VPS13B: variants seen among roughly 807,000 people sequenced by gnomAD.
The protein encoded by VPS13B is vacuolar protein sorting 13 homolog B, also known as intermembrane lipid transfer protein VPS13B.
In VPS13B, 285 loss-of-function variants were observed where a neutral mutation model predicts 426.4. The observed-to-expected ratio is 0.67, with a 90% CI of 0.61 to 0.74. The LOEUF (loss-of-function observed/expected upper bound fraction) is 0.74. Among genes scored for constraint, VPS13B ranks in the 30% least tolerant of loss-of-function variants. VPS13B has a pLI of 0.00. For missense variants in VPS13B, 4,537 were observed against 4,782.6 expected (o/e 0.95, Z 1.51); for synonymous variants, 1,676 against 1,676.4 (o/e 1.00, Z 0.01).
intron 17 of VPS13B, among the ~76,000 whole-genome samples, chr8:99,203,285 C>G (rs930615065): frequency 6.6e-5 from 10 of 152,072 alleles, no homozygotes; most frequent in Non-Finnish European, 1.2e-4. Context: ...TCAATAGATG[C>G]AGAAAAGGCC....
intron 16 of VPS13B, among the ~76,000 whole-genome samples, chr8:99,179,620 A>T (rs564013241): frequency 6.6e-6 from 1 of 152,238 alleles, no homozygotes; most frequent in Admixed American, 6.5e-5. Flanking sequence ...ATATGAGATA[A>T]TGTTCTTGTT....
intron 14 of VPS13B, 49 bp downstream of exon 14, chr8:99,148,059 T>C (rs1324168030): frequency 3.2e-6 from 5 of 1,558,080 alleles, no homozygotes; most frequent in Non-Finnish European, 3.5e-6. Context: ...TATGGATTTT[T>C]TTTTTTTTTT....
At chr8:99,739,186 T>G (rs1035309773) in intron 39 of VPS13B, among the ~76,000 whole-genome samples, 1 of 152,220 alleles carries the variant, frequency 6.6e-6, no homozygotes, top group Non-Finnish European at 1.5e-5. Flanking sequence ...ATCCCGTACC[T>G]GGCTCGGAGG....
At chr8:99,421,867 A>G (rs1457147278) in intron 21 of VPS13B, among the ~76,000 whole-genome samples, 1 of 152,032 alleles carries the variant, frequency 6.6e-6, no homozygotes, top group Non-Finnish European at 1.5e-5. Context: ...TTTTTGGTAG[A>G]GACAAGGTTT....
At chr8:99,403,205 G>A (rs1404313984) in intron 21 of VPS13B, among the ~76,000 whole-genome samples, 5 of 151,996 alleles carry the variant, frequency 3.3e-5, no homozygotes, top group African/African-American at 9.7e-5. Context: ...TGACAGTTTT[G>A]TACATGGCTG....
At chr8:99,845,043 T>G (rs1175197818) in intron 54 of VPS13B, among the ~76,000 whole-genome samples, 2 of 152,144 alleles carry the variant, frequency 1.3e-5, no homozygotes, top group Non-Finnish European at 2.9e-5. Context: ...AAGCAACAGT[T>G]TTACTGAATA....
intron 19 of VPS13B, among the ~76,000 whole-genome samples, chr8:99,355,239 A>G (rs1812115109): frequency 1.3e-5 from 2 of 152,136 alleles, no homozygotes; most frequent in East Asian, 1.9e-4. Context: ...CCATTCCCCT[A>G]TTAAAGCCCC....
intron 39 of VPS13B, among the ~76,000 whole-genome samples, chr8:99,727,930 G>C (rs949859425): frequency 6.6e-6 from 1 of 152,208 alleles, no homozygotes; most frequent in African/African-American, 2.4e-5. Context: ...GGAAATGAAT[G>C]TAGCAGCTGT....
In VPS13B at chr8:99,170,031, T is replaced by C. The variant is rs1426142075; in HGVS notation, c.2209-8T>C. 2 of 1,612,198 alleles carry C rather than the reference T, an allele frequency of 1.2e-6. No homozygotes were observed. The highest frequency in any genetic ancestry group is 4.5e-5 in the East Asian group (2 of 44,808). On this transcript the variant is annotated splice_polypyrimidine_tract_variant and splice_region_variant and intron_variant, in intron 15 of 61. Transcript: ENST00000357162. The stretch of plus-strand genomic sequence containing the variant: ...TGTGAACACTTGCATCTTTTCTTTT[T>C]GTTTTAGATATTTGGTTTCCAGGCA...
At chr8:99,185,702 A>G (rs1302039560) in intron 16 of VPS13B, among the ~76,000 whole-genome samples, 1 of 152,206 alleles carries the variant, frequency 6.6e-6, no homozygotes, top group Non-Finnish European at 1.5e-5. Context: ...AAGTGTACAT[A>G]TGGCAAAAAT....
intron 35 of VPS13B, among the ~76,000 whole-genome samples, chr8:99,689,843 G>A (rs565528723): frequency 6.6e-6 from 1 of 152,168 alleles, no homozygotes; most frequent in Non-Finnish European, 1.5e-5. Flanking sequence ...GTTGGTTTAT[G>A]TGGATATTTG....
intron 17 of VPS13B, among the ~76,000 whole-genome samples, chr8:99,214,651 C>A (rs1815288581): frequency 6.6e-6 from 1 of 152,058 alleles, no homozygotes. Flanking sequence ...GTACCAAATA[C>A]CAGGTGTTGT....
chr8:99,848,149 G>T (rs1816077774), intron 54 of VPS13B, among the ~76,000 whole-genome samples: 1 of 152,104 alleles, frequency 6.6e-6, no homozygotes, highest in Non-Finnish European at 1.5e-5. Flanking sequence ...CCACTGTCTG[G>T]CACCTGGATC....
chr8:99,809,863 A>G (rs1026150699), intron 44 of VPS13B, among the ~76,000 whole-genome samples: 3 of 152,188 alleles, frequency 2.0e-5, no homozygotes, highest in African/African-American at 4.8e-5. Flanking sequence ...AAGGAAAAGA[A>G]GCAAAGAGTA....
chr8:99,429,111 C>T lies in VPS13B; in HGVS notation c.3083-2426C>T, dbSNP rs562438942. On this transcript the variant is annotated intron_variant, in intron 21 of 61. Coordinates refer to ENST00000357162, the MANE Select transcript of VPS13B (RefSeq NM_152564.5). ...CACATGGACACAGGAAGGGGAACAT[C>T]ACACACCGGGGCCTGTTGTGGGGTG... Among the ~76,000 whole-genome samples the T allele has an allele frequency of 1.3e-4, 20 of 152,122 alleles. No homozygotes were observed. In the South Asian group the frequency reaches 2.5e-3, roughly 19 times the overall value.
Position 99,846,127 on chromosome 8 carries a change from G to C in VPS13B, c.9943-2649G>C, listed in dbSNP as rs561745244. Among the ~76,000 whole-genome samples, 4 of 152,306 alleles carry C rather than the reference G, an allele frequency of 2.6e-5. No individual in the cohort carries two copies. In the East Asian group the frequency reaches 7.7e-4, roughly 29 times the overall value. ...GCCACATTGAGAAGATGTATGTTCAGATCATCAGCTTTATCTTTATTGAGT... is the reference window on the plus strand; with the variant it reads ...GCCACATTGAGAAGATGTATGTTCACATCATCAGCTTTATCTTTATTGAGT... On this transcript the variant is annotated intron_variant, in intron 54 of 61. Coordinates refer to ENST00000357162, the MANE Select transcript of VPS13B (RefSeq NM_152564.5).
intron 16 of VPS13B, among the ~76,000 whole-genome samples, chr8:99,172,381 A>G (rs1266589528): frequency 6.6e-6 from 1 of 152,144 alleles, no homozygotes; most frequent in Non-Finnish European, 1.5e-5. Context: ...AGAGCATACT[A>G]TATTGTTTTA....
chr8:99,571,018 T>A (rs1825447320), intron 31 of VPS13B, among the ~76,000 whole-genome samples: 1 of 152,224 alleles, frequency 6.6e-6, no homozygotes, highest in South Asian at 2.1e-4. Flanking sequence ...CAGGCAAACT[T>A]TCTTATTCTT....
intron 19 of VPS13B, among the ~76,000 whole-genome samples, chr8:99,320,533 CA>C (rs1809920586): frequency 1.3e-5 from 2 of 152,060 alleles, no homozygotes; most frequent in Admixed American, 1.3e-4. Flanking sequence ...TGATTCAAAC[CA>C]TTTACTAATG....
Sources: allele counts gnomAD v4.1 joint callset (sites outside exome capture counted in the v4.1 genomes callset), GRCh38; gene constraint gnomAD v4.1.1; transcripts MANE v1.5; gene names NCBI Gene and HGNC (gene_info 2026-07-23, HGNC 2026-07-21).